The following NAALADL2 variants were observed in gnomAD, a reference collection of about 807,000 sequenced individuals.
The protein encoded by NAALADL2 is inactive N-acetylated-alpha-linked acidic dipeptidase-like protein 2.
NAALADL2 carries 76 observed loss-of-function variants against 87.2 expected under a neutral mutation model. The observed-to-expected ratio is 0.87, with a 90% CI of 0.72 to 1.05. The LOEUF (loss-of-function observed/expected upper bound fraction) is 1.05, where lower values mean the gene tolerates loss of function less well. Ranked by LOEUF, NAALADL2 falls within the 50% of genes least tolerant of loss-of-function variation. NAALADL2 has a pLI of 0.00. For synonymous variants in NAALADL2, 354 were observed against 331.0 expected (o/e 1.07, Z -0.75); for missense variants, 1,089 against 945.8 (o/e 1.15, Z -1.99).
chr3:174,478,685 T>C (rs946082255), intron 1 of NAALADL2, among the ~76,000 whole-genome samples: 2 of 152,126 alleles, frequency 1.3e-5, no homozygotes, highest in Non-Finnish European at 2.9e-5. Flanking sequence ...TTTACCTAGA[T>C]ACCATGTTTT....
rs1582115289 is a variant in NAALADL2 at position 175,492,503 on chromosome 3, A to G, written c.1653+20745A>G. 2.0e-5 allele frequency among the ~76,000 whole-genome samples: 3 copies of G among 152,314 alleles called. No homozygotes were observed. In the Middle Eastern group the frequency reaches 0.01, roughly 518 times the overall value. ...CAAAGGGAGAGATGAAACCCACATA[A>G]TGGATCTTGATTATGAATATCTGAT... On this transcript the variant is annotated intron_variant, in intron 9 of 13. Transcript: ENST00000454872.
chr3:174,609,804 G>T (rs551264704), intron 2 of NAALADL2, among the ~76,000 whole-genome samples: 1 of 152,124 alleles, frequency 6.6e-6, no homozygotes, highest in South Asian at 2.1e-4. Context: ...CACAGAATTG[G>T]AAAAAACTAC....
chr3:175,554,652 C>T (rs767211392), intron 9 of NAALADL2, among the ~76,000 whole-genome samples: 8 of 151,866 alleles, frequency 5.3e-5, no homozygotes, highest in Non-Finnish European at 8.8e-5. Context: ...ACTTAATACA[C>T]CCTGATAAAT....
intron 2 of NAALADL2, among the ~76,000 whole-genome samples, chr3:174,612,800 T>C (rs1720061034): frequency 6.6e-6 from 1 of 152,100 alleles, no homozygotes; most frequent in African/African-American, 2.4e-5. Flanking sequence ...CCTGGTACCT[T>C]ATGTAGTTTA....
chr3:174,467,687 A>G (rs894337564), intron 1 of NAALADL2, among the ~76,000 whole-genome samples: 1 of 151,672 alleles, frequency 6.6e-6, no homozygotes, highest in Non-Finnish European at 1.5e-5. Context: ...ATGGAATACT[A>G]TATAGCTATA....
intron 2 of NAALADL2, among the ~76,000 whole-genome samples, chr3:175,214,999 C>T (rs1015222596): frequency 7.9e-5 from 12 of 152,042 alleles, no homozygotes; most frequent in East Asian, 3.9e-4. Flanking sequence ...TTAAACTATA[C>T]GGACTAATTT....
intron 1 of NAALADL2, among the ~76,000 whole-genome samples, chr3:175,051,826 G>A (rs377084419): frequency 3.9e-5 from 6 of 152,102 alleles, no homozygotes; most frequent in South Asian, 2.1e-4. Context: ...GCTTTCCCAC[G>A]TCCATTTGGC....
intron 1 of NAALADL2, among the ~76,000 whole-genome samples, chr3:174,870,592 TA>T (rs56071821): frequency 0.097 from 14,407 of 148,202 alleles, 791 homozygotes; most frequent in Middle Eastern, 0.12. Context: ...AACAAAAAAA[TA>T]AAAAAAAAAC....
chr3:174,680,860 A>G (rs1446845234), intron 2 of NAALADL2, among the ~76,000 whole-genome samples: 1 of 152,200 alleles, frequency 6.6e-6, no homozygotes, highest in African/African-American at 2.4e-5. Context: ...AAATACCTTC[A>G]TAAGAACTAA....
At chr3:175,028,389 A>G (rs775578500) in intron 1 of NAALADL2, among the ~76,000 whole-genome samples, 1 of 152,090 alleles carries the variant, frequency 6.6e-6, no homozygotes, top group Non-Finnish European at 1.5e-5. Flanking sequence ...ATTGGTATAC[A>G]TTTGTCATGG....
intron 2 of NAALADL2, among the ~76,000 whole-genome samples, chr3:174,624,806 T>C (rs1397671306): frequency 6.6e-6 from 1 of 152,190 alleles, no homozygotes; most frequent in Non-Finnish European, 1.5e-5. Flanking sequence ...TTTTCAGTGC[T>C]GTTTATTTAC....
At chr3:175,313,915 A>T (rs978552759) in intron 4 of NAALADL2, among the ~76,000 whole-genome samples, 6 of 151,892 alleles carry the variant, frequency 4.0e-5, no homozygotes, top group Non-Finnish European at 5.9e-5. Flanking sequence ...ATAAAAAACT[A>T]GCTGGGAGTG....
chr3:174,857,145 T>TA (rs1725939252), upstream of NAALADL2, among the ~76,000 whole-genome samples: 1 of 152,132 alleles, frequency 6.6e-6, no homozygotes, highest in African/African-American at 2.4e-5. Context: ...AATTTCTGCA[T>TA]ATGAATTCAG....
At chr3:174,611,576 G>A (rs1213231102) in intron 2 of NAALADL2, among the ~76,000 whole-genome samples, 1 of 151,778 alleles carries the variant, frequency 6.6e-6, no homozygotes, top group East Asian at 1.9e-4. Flanking sequence ...TTGTAGCTTC[G>A]ATTATTTCTT....
At chr3:174,873,076 A>G (rs900046078) in intron 1 of NAALADL2, among the ~76,000 whole-genome samples, 3 of 152,146 alleles carry the variant, frequency 2.0e-5, no homozygotes, top group Non-Finnish European at 4.4e-5. Flanking sequence ...CAGTGGTTAA[A>G]GAATCTGTTG....
At chr3:175,448,213 G>A (rs1721001558) in intron 6 of NAALADL2, among the ~76,000 whole-genome samples, 1 of 152,154 alleles carries the variant, frequency 6.6e-6, no homozygotes, top group Non-Finnish European at 1.5e-5. Flanking sequence ...TGTAGATTGA[G>A]AGCCTCTAAA....
At chr3:175,409,427 A>G (rs1713043774) in intron 5 of NAALADL2, among the ~76,000 whole-genome samples, 1 of 151,954 alleles carries the variant, frequency 6.6e-6, no homozygotes, top group Admixed American at 6.6e-5. Flanking sequence ...ATATTTATCA[A>G]TAACTTATGA....
chr3:175,428,283 G>C (rs1160294846), intron 5 of NAALADL2, among the ~76,000 whole-genome samples: 1 of 152,094 alleles, frequency 6.6e-6, no homozygotes, highest in East Asian at 1.9e-4. Context: ...TACTCAATAA[G>C]TTTTTTTGAA....
intron 2 of NAALADL2, among the ~76,000 whole-genome samples, chr3:174,657,010 CCT>C (rs908341698): frequency 4.7e-5 from 7 of 149,084 alleles, no homozygotes; most frequent in Non-Finnish European, 6.0e-5. Context: ...TTTTTTCCTT[CCT>C]CTCTCTCTCT....
Sources: gnomAD v4.1 joint callset for allele counts (sites outside exome capture counted in the v4.1 genomes callset) on GRCh38, gnomAD v4.1.1 for gene constraint, MANE v1.5 for transcripts, NCBI Gene and HGNC (gene_info 2026-07-23, HGNC 2026-07-21) for gene names.